TUT4: variants seen among roughly 807,000 people sequenced by gnomAD.
TUT4 encodes the protein terminal uridylyltransferase 4.
Under a neutral mutation model 192.2 loss-of-function variants are expected in TUT4, and 36 were observed. That is an observed-to-expected ratio of 0.19 (90% CI 0.14 to 0.25). The LOEUF is 0.25. Among genes scored for constraint, TUT4 ranks in the 10% least tolerant of loss-of-function variants. The pLI, the probability that TUT4 is intolerant of heterozygous loss-of-function variation, is 1.00. For synonymous variants in TUT4, 618 were observed against 666.0 expected (o/e 0.93, Z 1.11); for missense variants, 1,493 against 1,957.2 (o/e 0.76, Z 4.47).
chr1:52,439,449 C>G (rs148012159), intron 24 of TUT4, among the ~76,000 whole-genome samples: 54 of 152,298 alleles, frequency 3.5e-4, no homozygotes, highest in African/African-American at 1.3e-3. Context: ...CCTTGCTTAT[C>G]CTTCTAAACT....
At chr1:52,507,355 C>T (rs956805904) in intron 4 of TUT4, among the ~76,000 whole-genome samples, 2 of 152,194 alleles carry the variant, frequency 1.3e-5, no homozygotes, top group African/African-American at 4.8e-5. Flanking sequence ...CACTGGGTTC[C>T]CTTCCCTATA....
intron 27 of TUT4, 81 bp downstream of exon 27, chr1:52,435,284 G>A: frequency 8.7e-7 from 1 of 1,145,730 alleles, no homozygotes; most frequent in South Asian, 1.4e-5. Flanking sequence ...GTATTAGCCA[G>A]TCTGAGAGAA....
At chr1:52,519,573 A>C (rs1461370761) in intron 2 of TUT4, among the ~76,000 whole-genome samples, 1 of 151,480 alleles carries the variant, frequency 6.6e-6, no homozygotes, top group Non-Finnish European at 1.5e-5. Flanking sequence ...GCAGTGGTGC[A>C]ATCTCGGCTC....
chr1:52,428,444 T>A (rs1047748056), intron 28 of TUT4, among the ~76,000 whole-genome samples: 2 of 151,956 alleles, frequency 1.3e-5, no homozygotes, highest in African/African-American at 4.8e-5. Context: ...TTGACCTACA[T>A]AGTGAAACCC....
chr1:52,516,776 C>T (rs573969158), intron 2 of TUT4, among the ~76,000 whole-genome samples: 50 of 152,272 alleles, frequency 3.3e-4, no homozygotes, highest in African/African-American at 1.1e-3. Context: ...TAGCATATTA[C>T]GCACAGTCCC....
intron 4 of TUT4, among the ~76,000 whole-genome samples, chr1:52,506,221 C>T (rs780440048): frequency 6.6e-6 from 1 of 152,130 alleles, no homozygotes; most frequent in Non-Finnish European, 1.5e-5. Flanking sequence ...ATTCAATTGG[C>T]TAAAGTTATA....
At chr1:52,477,440 A>G (rs141422833) in intron 12 of TUT4, among the ~76,000 whole-genome samples, 1,598 of 152,198 alleles carry the variant, frequency 0.01, 20 homozygotes, top group African/African-American at 0.035. Context: ...TGGGCATGGT[A>G]GCACAAGCCT....
In TUT4 at chr1:52,490,818, AAAGT is replaced by A. The variant is rs746084458; in HGVS notation, c.1319-21_1319-18del. 9 of 1,581,476 alleles carry A rather than the reference AAAGT, an allele frequency of 5.7e-6. No individual in the cohort carries two copies. In the Admixed American group the frequency reaches 1.4e-4, roughly 25 times the overall value. ...CATATAATACTAATAAGGAAAAAAA[AAAGT>A]AAGCTAATGTCAACATCTCTAAAAT... On this transcript the variant is annotated intron_variant, in intron 7 of 29. Transcript: ENST00000257177.
At chr1:52,491,127 CAA>C (rs1293811757) in intron 7 of TUT4, among the ~76,000 whole-genome samples, 1 of 152,122 alleles carries the variant, frequency 6.6e-6, no homozygotes, top group Non-Finnish European at 1.5e-5. Context: ...TAGATAACAG[CAA>C]AGAGAGGACA....
chr1:52,451,320 G>C (rs972448969), intron 20 of TUT4, among the ~76,000 whole-genome samples: 3 of 151,806 alleles, frequency 2.0e-5, no homozygotes, highest in Non-Finnish European at 4.4e-5. Context: ...TGCTGGCCTT[G>C]GCAGGCCTAA....
At chr1:52,543,298 A>C (rs1300828377) in intron 1 of TUT4, among the ~76,000 whole-genome samples, 1 of 152,214 alleles carries the variant, frequency 6.6e-6, no homozygotes, top group Non-Finnish European at 1.5e-5. Flanking sequence ...TAAACACAAT[A>C]AATAATCTAA....
At position 52,525,615 on chromosome 1, in the gene TUT4, A is replaced by G; in HGVS notation, c.666T>C (p.Thr222=). The change falls in exon 2 of 30, where the codon ACT becomes ACC. Residue 222 remains threonine (T), a synonymous_variant. Transcript: ENST00000257177. ...CTGAAGCACTATCATCAGAATCACCAGTATTATCTGTACATGTCTGTTGCT... is the reference window on the plus strand; with the variant it reads ...CTGAAGCACTATCATCAGAATCACCGGTATTATCTGTACATGTCTGTTGCT... ...SQKQQTCTDN[T]GDSDDSASGI... 5 of 1,613,798 alleles carry G rather than the reference A, an allele frequency of 3.1e-6. No individual in the cohort carries two copies. Among genetic ancestry groups the G allele is most frequent in the South Asian group, 1.1e-5 (1 of 90,878 alleles).
intron 1 of TUT4, among the ~76,000 whole-genome samples, chr1:52,529,431 C>G (rs1255838948): frequency 6.6e-6 from 1 of 152,168 alleles, no homozygotes; most frequent in African/African-American, 2.4e-5. Context: ...CTTGTGAGAA[C>G]TGCTGCAGGT....
chr1:52,463,914 A>C, intron 16 of TUT4: 2 of 544,830 alleles, frequency 3.7e-6, no homozygotes, highest in Non-Finnish European at 5.8e-6. Flanking sequence ...GTTCTACAGT[A>C]CTATTAGTAC....
chr1:52,428,283 C>A (rs1454850131), intron 28 of TUT4, among the ~76,000 whole-genome samples: 2 of 151,714 alleles, frequency 1.3e-5, no homozygotes, highest in Non-Finnish European at 2.9e-5. Context: ...GTCAAGAGAT[C>A]GAGACCATCC....
chr1:52,509,730 A>T lies in TUT4; in HGVS notation c.883-18T>A, dbSNP rs1676582144. On this transcript the variant is annotated intron_variant, in intron 3 of 29. Transcript: ENST00000257177. The stretch of plus-strand genomic sequence containing the variant: ...GGTGATCGCTGAAGAGACAAATTTT[A>T]AAAATGCACTTTATTCAGAAAACAG... 7.1e-7 allele frequency: 1 copy of T among 1,416,098 alleles called. No homozygotes were observed. The highest frequency in any genetic ancestry group is 1.0e-6 in the Non-Finnish European group (1 of 1,001,432). 87.7% of individuals were successfully genotyped at this position (1,416,098 alleles called of 1,614,324 possible).
intron 17 of TUT4, 23 bp downstream of exon 17, chr1:52,461,689 C>A (rs1024123084): frequency 2.0e-6 from 3 of 1,536,934 alleles, no homozygotes; most frequent in Non-Finnish European, 2.6e-6. Context: ...TTTTGTTTTA[C>A]AGATAAGATT....
At chr1:52,533,029 A>T (rs535379269) in intron 1 of TUT4, among the ~76,000 whole-genome samples, 1 of 152,362 alleles carries the variant, frequency 6.6e-6, no homozygotes, top group East Asian at 1.9e-4. Flanking sequence ...AGGAATAAAC[A>T]ACTAAATGCG....
At chr1:52,442,095 G>T (rs1011834224) in intron 24 of TUT4, among the ~76,000 whole-genome samples, 14 of 151,398 alleles carry the variant, frequency 9.2e-5, no homozygotes, top group Non-Finnish European at 1.6e-4. Flanking sequence ...TTGAACCTGG[G>T]TGGTGGAGGC....
Sources: allele counts gnomAD v4.1 joint callset (sites outside exome capture counted in the v4.1 genomes callset), GRCh38; gene constraint gnomAD v4.1.1; transcripts MANE v1.5; gene names NCBI Gene and HGNC (gene_info 2026-07-23, HGNC 2026-07-21).